Variants in PRP4K observed in about 807,000 individuals in gnomAD.
PRP4K encodes serine/threonine-protein kinase PRP4 homolog.
the PRP4K span, chr6:4,049,161 A>G: frequency 2.9e-6 from 4 of 1,394,850 alleles, no homozygotes; most frequent in Non-Finnish European, 4.0e-6. Flanking sequence ...ATGCAAAAGC[A>G]TGCTGCTTGA....
At chr6:4,021,503 C>T in the PRP4K span, 1 of 1,564,066 alleles carries the variant, frequency 6.4e-7, no homozygotes, top group Non-Finnish European at 8.7e-7. Flanking sequence ...AAGCTGGAGC[C>T]CGGGGACTGC....
chr6:4,038,525 C>T, the PRP4K span, among the ~76,000 whole-genome samples: 1 of 151,758 alleles, frequency 6.6e-6, no homozygotes, highest in Non-Finnish European at 1.5e-5. Flanking sequence ...ACTCCTGACC[C>T]CAAATGATCC....
chr6:4,031,431 G>A, the PRP4K span: 90 of 690,648 alleles, frequency 1.3e-4, no homozygotes, highest in Middle Eastern at 8.4e-4. Context: ...AAGCTGTTCT[G>A]AAAAAATTTT....
chr6:4,049,142 T>C, the PRP4K span: 2 of 1,517,966 alleles, frequency 1.3e-6, no homozygotes, highest in African/African-American at 2.8e-5. Flanking sequence ...TAGAGTTCAT[T>C]GTAACACCAT....
chr6:4,056,604 C>T, the PRP4K span: 5 of 1,588,936 alleles, frequency 3.1e-6, no homozygotes, highest in Non-Finnish European at 4.3e-6. Flanking sequence ...GTAGTTGTGA[C>T]AGGAGTCTTG....
At chr6:4,030,004 G>A in the PRP4K span, among the ~76,000 whole-genome samples, 2 of 151,026 alleles carry the variant, frequency 1.3e-5, no homozygotes, top group Non-Finnish European at 2.9e-5. Context: ...GTGCAATGGC[G>A]CAATCTTGGC....
the PRP4K span, among the ~76,000 whole-genome samples, chr6:4,034,157 ATT>A: frequency 1.3e-4 from 20 of 150,226 alleles, no homozygotes; most frequent in South Asian, 4.2e-4. Context: ...ATATAAGGGA[ATT>A]TTTTTTTTTA....
the PRP4K span, among the ~76,000 whole-genome samples, chr6:4,044,857 A>AT: frequency 2.7e-4 from 32 of 117,004 alleles, no homozygotes; most frequent in East Asian, 6.7e-4. Flanking sequence ...TATTATTATT[A>AT]TTATTATTTT....
the PRP4K span, among the ~76,000 whole-genome samples, chr6:4,031,027 T>C: frequency 6.6e-6 from 1 of 152,220 alleles, no homozygotes; most frequent in African/African-American, 2.4e-5. Flanking sequence ...AGGTATAAGA[T>C]GAAATCTGCT....
the PRP4K span, among the ~76,000 whole-genome samples, chr6:4,040,546 A>G: frequency 6.6e-6 from 1 of 152,228 alleles, no homozygotes; most frequent in Admixed American, 6.5e-5. Flanking sequence ...TGTTTTAGTT[A>G]TCTTCAGCTA....
At chr6:4,028,420 T>A in the PRP4K span, among the ~76,000 whole-genome samples, 2 of 152,030 alleles carry the variant, frequency 1.3e-5, no homozygotes. Context: ...GTCCCCAGGC[T>A]GGCCTTGAAC....
At chr6:4,034,519 A>G in the PRP4K span, among the ~76,000 whole-genome samples, 4 of 152,094 alleles carry the variant, frequency 2.6e-5, no homozygotes, top group African/African-American at 9.7e-5. Context: ...TTCTACTTCT[A>G]TGACTATGTG....
At chr6:4,046,729 C>T in the PRP4K span, among the ~76,000 whole-genome samples, 1 of 151,398 alleles carries the variant, frequency 6.6e-6, no homozygotes, top group African/African-American at 2.4e-5. Flanking sequence ...GTGATCTCAG[C>T]TCACTGCTAC....
At chr6:4,041,135 G>T in the PRP4K span, among the ~76,000 whole-genome samples, 1 of 152,160 alleles carries the variant, frequency 6.6e-6, no homozygotes, top group African/African-American at 2.4e-5. Flanking sequence ...TTCAGCTTTG[G>T]CTGGAGTGAA....
chr6:4,029,731 G>A, the PRP4K span, among the ~76,000 whole-genome samples: 1 of 151,782 alleles, frequency 6.6e-6, no homozygotes, highest in Non-Finnish European at 1.5e-5. Context: ...TAACAAATTG[G>A]TTTCTTTCTG....
chr6:4,048,911 T>C, the PRP4K span: 19 of 658,852 alleles, frequency 2.9e-5, no homozygotes, highest in African/African-American at 3.2e-4. Context: ...TGGAATAAAA[T>C]GCTTTTATTA....
chr6:4,060,190 G>A, the PRP4K span, among the ~76,000 whole-genome samples: 1 of 152,116 alleles, frequency 6.6e-6, no homozygotes. The surrounding 1 kb of genome is among the most constrained non-coding windows in gnomAD (Gnocchi z 4.7). Flanking sequence ...GTGTATGTAT[G>A]TATCTAAACA....
chr6:4,063,755 T>A, the PRP4K span: 1 of 152,164 alleles, frequency 6.6e-6, no homozygotes, highest in Admixed American at 6.5e-5. Context: ...GAGGTGCAAT[T>A]TGGAACTCTG....
the PRP4K span, among the ~76,000 whole-genome samples, chr6:4,057,662 C>T: frequency 1.3e-5 from 2 of 151,764 alleles, no homozygotes; most frequent in African/African-American, 2.4e-5. Context: ...TCTAACTCAC[C>T]GCTGATACTT....
Sources: allele counts gnomAD v4.1 joint callset (sites outside exome capture counted in the v4.1 genomes callset), GRCh38; gene constraint gnomAD v4.1.1; non-coding constraint Gnocchi (gnomAD v3.1); transcripts MANE v1.5; gene names NCBI Gene and HGNC (gene_info 2026-07-23, HGNC 2026-07-21).